FAM118A: variants seen among roughly 807,000 people sequenced by gnomAD.
The protein encoded by FAM118A is SIR2 antiphage like 2.
FAM118A carries 25 observed loss-of-function variants against 38.2 expected under a neutral mutation model. The observed-to-expected ratio is 0.65, with a 90% CI of 0.48 to 0.91. The LOEUF (loss-of-function observed/expected upper bound fraction) is 0.91. Among genes scored for constraint, FAM118A ranks in the 40% least tolerant of loss-of-function variants. The probability of loss-of-function intolerance (pLI) is 0.00; values close to 1 mark genes in which losing one functional copy is unlikely to be tolerated. For missense variants in FAM118A, 425 were observed against 463.3 expected (o/e 0.92, Z 0.76); for synonymous variants, 178 against 184.1 (o/e 0.97, Z 0.27).
Position 45,336,349 on chromosome 22 carries a change from CAA to C in FAM118A, c.994_995del (p.Lys332GlufsTer9). 6.2e-7 allele frequency: 1 copy of C among 1,613,650 alleles called. No homozygotes were observed. The highest frequency in any genetic ancestry group is 8.5e-7 in the Non-Finnish European group (1 of 1,179,702). On this transcript the variant is annotated frameshift_variant, in exon 8 of 9. Transcript: ENST00000441876. LOFTEE classifies it high-confidence loss of function. ...TTAGGTAATGCATGCCAGGACTGTG[CAA>C]AGAGGAAGTTAGAAGAGAATGGAAT...
chr22:45,323,046 T>TGTGG, intron 2 of FAM118A, 129 bp from the exon 3 acceptor site: 2 of 858,494 alleles, frequency 2.3e-6, no homozygotes, highest in Non-Finnish European at 3.5e-6. Flanking sequence ...GGGGACTGTG[T>TGTGG]GTGTGTGTGT....
rs115883825 is a variant in FAM118A at position 45,324,773 on chromosome 22, G to A, written c.300+1346G>A. ...AATACTTCCTCTCTGAGGCAGGGGCGCGGTGGCTCACGCCTGTAATCCCAG... is the reference window on the plus strand; with the variant it reads ...AATACTTCCTCTCTGAGGCAGGGGCACGGTGGCTCACGCCTGTAATCCCAG... On this transcript the variant is annotated intron_variant, in intron 3 of 8. Transcript: ENST00000441876. 9.9e-3 allele frequency among the ~76,000 whole-genome samples: 1,506 copies of A among 152,296 alleles called. 21 individuals are homozygous for A. Among genetic ancestry groups the A allele is most frequent in the African/African-American group, 0.034 (1,415 of 41,568 alleles).
intron 3 of FAM118A, among the ~76,000 whole-genome samples, chr22:45,325,367 G>A (rs1454631346): frequency 6.6e-6 from 1 of 152,198 alleles, no homozygotes; most frequent in Non-Finnish European, 1.5e-5. Context: ...GCTGAGAGTT[G>A]GTTGCATCAG....
intron 4 of FAM118A, chr22:45,329,847 G>C (rs1285494914): frequency 1.3e-5 from 2 of 152,402 alleles, no homozygotes; most frequent in Admixed American, 6.5e-5. Context: ...CAGCAGGGCT[G>C]TTGGTGTTTG....
rs759418785 is a variant in FAM118A, at chr22:45,323,398, G to T, written c.271G>T (p.Ala91Ser). The change falls in exon 3 of 9, where the codon GCC becomes TCC. Residue 91 changes from alanine to serine, a missense_variant. Physicochemically the swap from Ala to Ser is moderately conservative, Grantham distance 99. Transcript: ENST00000441876. ...AAAGGACCGGGACCTGTTGGTTGTCGCCCATGATCTGATCCGGAAGATGTC... is the reference window on the plus strand; with the variant it reads ...AAAGGACCGGGACCTGTTGGTTGTCTCCCATGATCTGATCCGGAAGATGTC... The part of the protein sequence containing the change: ...VTKDRDLLVV[A>S]HDLIRKMSPR... 5 of 1,613,898 alleles carry T rather than the reference G, an allele frequency of 3.1e-6. No individual in the cohort carries two copies. The highest frequency in any genetic ancestry group is 4.2e-6 in the Non-Finnish European group (5 of 1,179,932).
At chr22:45,315,569 G>A (rs1015755263) in intron 1 of FAM118A, among the ~76,000 whole-genome samples, 7 of 152,162 alleles carry the variant, frequency 4.6e-5, no homozygotes, top group African/African-American at 1.4e-4. Context: ...CAGCCCCGTC[G>A]GTGATGTGCA....
At chr22:45,337,917 C>T in intron 8 of FAM118A, 3 of 985,190 alleles carry the variant, frequency 3.0e-6, no homozygotes, top group Non-Finnish European at 3.6e-6. Flanking sequence ...GTCTGAAGAC[C>T]AGGTTTCCTA....
chr22:45,323,560 A>C, intron 3 of FAM118A, 133 bp downstream of exon 3: 1 of 1,180,340 alleles, frequency 8.5e-7, no homozygotes, highest in Non-Finnish European at 1.2e-6. Flanking sequence ...GATGAGCCAG[A>C]AATCCTTGAG....
At chr22:45,338,672 A>C (rs1414050662) in intron 8 of FAM118A, among the ~76,000 whole-genome samples, 3 of 152,246 alleles carry the variant, frequency 2.0e-5, no homozygotes, top group African/African-American at 7.2e-5. Flanking sequence ...ATAGGAGTTT[A>C]TATTTAGTAC....
At chr22:45,315,001 C>T (rs1312440805) in intron 1 of FAM118A, among the ~76,000 whole-genome samples, 5 of 152,242 alleles carry the variant, frequency 3.3e-5, no homozygotes, top group Non-Finnish European at 7.3e-5. Context: ...GCCACCTCAT[C>T]GGGTTATTGA....
intron 3 of FAM118A, 39 bp from the exon 4 acceptor site, chr22:45,327,803 A>G (rs2085393022): frequency 1.0e-5 from 16 of 1,602,724 alleles, no homozygotes; most frequent in Non-Finnish European, 1.4e-5. Context: ...AGTTGTTAAG[A>G]GCTGATGTTT....
rs565440720 is a variant in FAM118A, at chr22:45,311,215, CAG to C, written c.-10+1035_-10+1036del. ...AGAAGTTTGCCAGGGTCATTCCAGG[CAG>C]AGTTTCAGGGGACAGCCAGTATGTC... On this transcript the variant is annotated intron_variant, in intron 1 of 8. Transcript: ENST00000441876. 1.4e-3 allele frequency among the ~76,000 whole-genome samples: 216 copies of C among 152,244 alleles called. 1 individual carries two copies. The highest frequency in any genetic ancestry group is 5.0e-3 in the African/African-American group (206 of 41,542).
chr22:45,328,501 G>A (rs528892155), intron 4 of FAM118A: 29 of 797,002 alleles, frequency 3.6e-5, no homozygotes, highest in Non-Finnish European at 5.0e-5. Flanking sequence ...GCATGGTGGC[G>A]CCTGCCTGCA....
chr22:45,322,227 G>C (rs1197514570), intron 1 of FAM118A, 144 bp from the exon 2 acceptor site: 11 of 1,542,500 alleles, frequency 7.1e-6, no homozygotes, highest in Admixed American at 2.0e-5. Flanking sequence ...TACGTCATTT[G>C]CGTATGACAT....
intron 7 of FAM118A, among the ~76,000 whole-genome samples, chr22:45,336,040 G>A (rs934398595): frequency 1.3e-5 from 2 of 152,216 alleles, no homozygotes; most frequent in Admixed American, 6.5e-5. Flanking sequence ...GGAGCTGCTC[G>A]CCTCACATCC....
intron 6 of FAM118A, among the ~76,000 whole-genome samples, chr22:45,333,402 C>T (rs900446749): frequency 2.6e-5 from 4 of 151,834 alleles, no homozygotes; most frequent in African/African-American, 7.3e-5. Context: ...GGAGCGGGCG[C>T]GATAGCTCAC....
chr22:45,340,276 TC>T, intron 8 of FAM118A, 109 bp from the exon 9 acceptor site: 1 of 1,346,388 alleles, frequency 7.4e-7, no homozygotes, highest in Admixed American at 1.8e-5. Context: ...TTCAAAGTCT[TC>T]CGTACATAAG....
upstream of FAM118A, chr22:45,309,881 G>C (rs991630101): frequency 6.6e-6 from 1 of 152,174 alleles, no homozygotes; most frequent in Non-Finnish European, 1.5e-5. Context: ...GGGGCCGTTG[G>C]TTTCGGGACG....
At chr22:45,334,724 C>A (rs2085964262) in intron 6 of FAM118A, among the ~76,000 whole-genome samples, 1 of 152,190 alleles carries the variant, frequency 6.6e-6, no homozygotes, top group African/African-American at 2.4e-5. Context: ...GGATTGGGAT[C>A]CTGGCCTGAC....
Sources: allele counts gnomAD v4.1 joint callset (sites outside exome capture counted in the v4.1 genomes callset), GRCh38; gene constraint gnomAD v4.1.1; transcripts MANE v1.5; gene names NCBI Gene and HGNC (gene_info 2026-07-23, HGNC 2026-07-21).